TENM2: variants seen among roughly 807,000 people sequenced by gnomAD.
TENM2 encodes the protein teneurin-2.
TENM2 carries 52 observed loss-of-function variants against 245.2 expected under a neutral mutation model. The observed-to-expected ratio is 0.21, with a 90% confidence interval of 0.17 to 0.27. The LOEUF (loss-of-function observed/expected upper bound fraction) is 0.27, where lower values mean the gene tolerates loss of function less well. Ranked by LOEUF, TENM2 falls within the 10% of genes least tolerant of loss-of-function variation. The pLI is 1.00. For missense variants in TENM2, 3,046 were observed against 3,666.8 expected (o/e 0.83, Z 4.37); for synonymous variants, 1,363 against 1,438.9 (o/e 0.95, Z 1.19).
At chr5:167,204,544 G>A in the TENM2 span, among the ~76,000 whole-genome samples, 1 of 152,178 alleles carries the variant, frequency 6.6e-6, no homozygotes, top group African/African-American at 2.4e-5. Context: ...ATCCTGCTTA[G>A]GATTGCCAAA....
the TENM2 span, among the ~76,000 whole-genome samples, chr5:167,242,301 C>T: frequency 2.0e-5 from 3 of 152,190 alleles, no homozygotes; most frequent in Admixed American, 2.0e-4. Flanking sequence ...CTGTCTGCCT[C>T]GGCCTCCCAA....
intron 9 of TENM2, among the ~76,000 whole-genome samples, chr5:168,112,918 G>A (rs1211800929): frequency 6.6e-6 from 1 of 152,180 alleles, no homozygotes; most frequent in Non-Finnish European, 1.5e-5. Context: ...CATCACTATT[G>A]CTGACTAACT....
the TENM2 span, among the ~76,000 whole-genome samples, chr5:167,262,199 A>C: frequency 9.5e-4 from 145 of 152,310 alleles, 1 homozygote; most frequent in Admixed American, 4.6e-3. Context: ...TCTCTACTAA[A>C]AATACAAAAT....
intron 3 of TENM2, among the ~76,000 whole-genome samples, chr5:167,906,911 C>T (rs1423977748): frequency 6.6e-6 from 1 of 152,146 alleles, no homozygotes; most frequent in Non-Finnish European, 1.5e-5. Flanking sequence ...ACCCTCCATC[C>T]TGGATGATGC....
intron 5 of TENM2, among the ~76,000 whole-genome samples, chr5:168,002,885 G>A (rs1029272724): frequency 1.3e-5 from 2 of 152,282 alleles, no homozygotes; most frequent in African/African-American, 2.4e-5. Context: ...CTGCAGGCCA[G>A]CCTTAATATC....
At chr5:167,670,379 C>A (rs559228930) in intron 2 of TENM2, among the ~76,000 whole-genome samples, 1 of 152,232 alleles carries the variant, frequency 6.6e-6, no homozygotes, top group East Asian at 1.9e-4. Context: ...GATCCAATGT[C>A]AATGAAAGTG....
chr5:167,221,336 T>C, the TENM2 span, among the ~76,000 whole-genome samples: 1 of 152,198 alleles, frequency 6.6e-6, no homozygotes, highest in African/African-American at 2.4e-5. Context: ...ATGAATGTTT[T>C]GGAGTTTGGA....
chr5:167,238,041 T>C, the TENM2 span, among the ~76,000 whole-genome samples: 34 of 146,824 alleles, frequency 2.3e-4, 1 homozygote, highest in Admixed American at 2.3e-3. Context: ...AAAGAAGTGC[T>C]GCATCACCAA....
At chr5:167,456,877 A>G (rs1158079735) in intron 2 of TENM2, among the ~76,000 whole-genome samples, 3 of 152,192 alleles carry the variant, frequency 2.0e-5, no homozygotes, top group African/African-American at 7.2e-5. Flanking sequence ...ATCCACATTC[A>G]TAAGTCATGC....
intron 2 of TENM2, among the ~76,000 whole-genome samples, chr5:167,400,587 A>G (rs1762308889): frequency 6.6e-6 from 1 of 151,826 alleles, no homozygotes; most frequent in Non-Finnish European, 1.5e-5. Context: ...TAAGAAAACC[A>G]TCACCCATAG....
intron 12 of TENM2, among the ~76,000 whole-genome samples, chr5:168,154,080 C>T (rs1756893963): frequency 7.1e-6 from 1 of 141,712 alleles, no homozygotes; most frequent in Non-Finnish European, 1.5e-5. Flanking sequence ...TGGGATTTCC[C>T]TCCCAAGAAG....
chr5:167,453,321 T>G (rs1026068048), intron 2 of TENM2, among the ~76,000 whole-genome samples: 13 of 152,258 alleles, frequency 8.5e-5, no homozygotes, highest in African/African-American at 3.1e-4. Context: ...AATTTTTATC[T>G]AAGAAAACAC....
At position 167,700,320 on chromosome 5, in the gene TENM2, G is replaced by A. The variant is rs569872746; in HGVS notation, c.503-175666G>A. On this transcript the variant is annotated intron_variant, in intron 2 of 28. Coordinates refer to ENST00000518659, the Ensembl canonical transcript of TENM2. ...TAATTAAGAGCTAGCATTCTCTGGG[G>A]ACCTGCTAAGTACTAGGGGTTGGGC... 1.1e-4 allele frequency among the ~76,000 whole-genome samples: 16 copies of A among 152,240 alleles called. No homozygotes were observed. The South Asian group carries it at 3.3e-3, about 32-fold the overall frequency.
chr5:168,190,820 A>T (rs1161970406), intron 14 of TENM2: 2 of 308,874 alleles, frequency 6.5e-6, no homozygotes, highest in Admixed American at 4.8e-5. Context: ...GATCATTTTT[A>T]AAATCTGTTA....
intron 2 of TENM2, among the ~76,000 whole-genome samples, chr5:167,760,754 A>T (rs1000946473): frequency 6.6e-6 from 1 of 152,116 alleles, no homozygotes; most frequent in African/African-American, 2.4e-5. Context: ...CCCAAGTTCA[A>T]GTGATTCTCC....
At chr5:167,943,790 A>G (rs1362223068) in intron 3 of TENM2, among the ~76,000 whole-genome samples, 2 of 152,196 alleles carry the variant, frequency 1.3e-5, no homozygotes, top group Non-Finnish European at 2.9e-5. Context: ...TCTTAATAGT[A>G]TTGTCAAGAT....
chr5:167,876,412 G>A (rs575447589), intron 3 of TENM2, among the ~76,000 whole-genome samples: 36 of 152,186 alleles, frequency 2.4e-4, no homozygotes, highest in African/African-American at 8.7e-4. Context: ...ACAGGATTTG[G>A]GCCTCCTTCA....
intron 4 of TENM2, among the ~76,000 whole-genome samples, chr5:167,958,554 A>C (rs1011752736): frequency 2.0e-5 from 3 of 152,062 alleles, no homozygotes; most frequent in Admixed American, 6.6e-5. Flanking sequence ...CCGTTGGTTG[A>C]TGTAGTTTCT....
At chr5:167,383,428 A>G (rs1761210941) in intron 2 of TENM2, among the ~76,000 whole-genome samples, 1 of 151,970 alleles carries the variant, frequency 6.6e-6, no homozygotes, top group Non-Finnish European at 1.5e-5. Flanking sequence ...ACAGAAAAAC[A>G]CCCATGTTTT....
Sources: allele counts gnomAD v4.1 joint callset (sites outside exome capture counted in the v4.1 genomes callset), GRCh38; gene constraint gnomAD v4.1.1; transcripts MANE v1.5; gene names NCBI Gene and HGNC (gene_info 2026-07-23, HGNC 2026-07-21).